The following HIPK3 variants were observed in gnomAD, a reference collection of about 807,000 sequenced individuals.
The protein encoded by HIPK3 is homeodomain interacting protein kinase 3.
A neutral mutation model predicts 124.2 loss-of-function variants in HIPK3; 47 were observed. The ratio of observed to expected loss-of-function variants is 0.38; its 90% CI spans 0.30 to 0.48. The LOEUF (loss-of-function observed/expected upper bound fraction) is 0.48, where lower values mean the gene tolerates loss of function less well. Among genes scored for constraint, HIPK3 ranks in the 20% least tolerant of loss-of-function variants. The pLI is 0.98. For synonymous variants in HIPK3, 482 were observed against 515.2 expected (o/e 0.94, Z 0.87); for missense variants, 1,286 against 1,454.3 (o/e 0.88, Z 1.88).
intron 2 of HIPK3, among the ~76,000 whole-genome samples, chr11:33,321,267 G>A (rs1469960923): frequency 1.3e-5 from 2 of 152,170 alleles, no homozygotes; most frequent in Non-Finnish European, 2.9e-5. Flanking sequence ...TGGAATGATA[G>A]GGTAATGAAA....
chr11:33,302,195 C>A (rs925641533), intron 2 of HIPK3, among the ~76,000 whole-genome samples: 1 of 152,080 alleles, frequency 6.6e-6, no homozygotes. Context: ...CTTCTAGGTT[C>A]CTTCCTTCCC....
chr11:33,258,314 A>G, intron 1 of HIPK3: 10 of 985,380 alleles, frequency 1.0e-5, no homozygotes, highest in African/African-American at 1.7e-5. Flanking sequence ...GGCCGTAACT[A>G]CGGAGATCCC....
At chr11:33,275,291 G>T (rs1348826440) in intron 1 of HIPK3, among the ~76,000 whole-genome samples, 1 of 152,150 alleles carries the variant, frequency 6.6e-6, no homozygotes, top group Non-Finnish European at 1.5e-5. Flanking sequence ...GCCCGCCTCA[G>T]CCTCCCAAAG....
intron 6 of HIPK3, 80 bp from the exon 7 acceptor site, chr11:33,340,888 T>G: frequency 1.2e-6 from 1 of 821,932 alleles, no homozygotes; most frequent in Non-Finnish European, 1.8e-6. Flanking sequence ...AGGAATAATT[T>G]TTTTATTTTG....
chr11:33,261,136 A>AAAAAT (rs58154515), intron 1 of HIPK3, among the ~76,000 whole-genome samples: 9 of 145,162 alleles, frequency 6.2e-5, no homozygotes, highest in Admixed American at 2.8e-4. Context: ...TTATATATAA[A>AAAAAT]ATATAAAATA....
intron 9 of HIPK3, 38 bp from the exon 10 acceptor site, chr11:33,347,591 A>G: frequency 6.2e-7 from 1 of 1,602,686 alleles, no homozygotes. Context: ...ATTACTTATA[A>G]CTTGTTATTT....
Position 33,349,236 on chromosome 11 carries a change from G to A in HIPK3, c.2756G>A (p.Ser919Asn). The A allele has an allele frequency of 6.2e-7, 1 of 1,613,886 alleles. No homozygotes were observed. Among genetic ancestry groups the A allele is most frequent in the Non-Finnish European group, 8.5e-7 (1 of 1,179,786 alleles). Residue 919 changes from serine (S) to asparagine (N), a missense_variant, in exon 14 of 17, where the codon AGT becomes AAT. By Grantham distance (46) the Ser-to-Asn change is conservative. Coordinates refer to ENST00000303296, the MANE Select transcript of HIPK3 (RefSeq NM_005734.5). Reference sequence around the variant, plus strand: ...TTAAGTAGTCCTGATAGTACTCTGAGTACCAGCTCCTCAGGGCAGTCCAGC... The same window carrying A: ...TTAAGTAGTCCTGATAGTACTCTGAATACCAGCTCCTCAGGGCAGTCCAGC... ...CSLSSPDSTL[S>N]TSSSGQSSPS... is the part of the protein sequence containing the mutation.
chr11:33,337,283 T>G, intron 4 of HIPK3, 89 bp downstream of exon 4: 1 of 613,002 alleles, frequency 1.6e-6, no homozygotes, highest in Non-Finnish European at 2.5e-6. Flanking sequence ...CTATTTACAT[T>G]TTACTATATT....
At chr11:33,342,986 C>G (rs1313367972) in intron 8 of HIPK3, among the ~76,000 whole-genome samples, 1 of 152,154 alleles carries the variant, frequency 6.6e-6, no homozygotes, top group African/African-American at 2.4e-5. Flanking sequence ...GCTTTAACAT[C>G]TAGTTAATGC....
At position 33,287,658 on chromosome 11, in the gene HIPK3, G is replaced by C. The variant is rs967369082; in HGVS notation, c.1097+147G>C. ...GATCAATTTAGGTTCGTTTTAAAGA[G>C]ATTAAAAAAAATCAAGACATAAAAT... On this transcript the variant is annotated intron_variant, in intron 2 of 16. Transcript: ENST00000303296. 4.3e-4 allele frequency: 371 copies of C among 867,148 alleles called. 1 individual carries two copies. Among genetic ancestry groups the C allele is most frequent in the Middle Eastern group, 6.1e-4 (2 of 3,270 alleles). The allele number at this position is 867,148 out of a possible 1,614,324, so 53.7% of individuals were successfully genotyped here. A position where few individuals can be genotyped will look rare whatever the true frequency, so the allele number is the denominator to read the frequency against.
chr11:33,339,056 T>TA (rs1853249208), intron 5 of HIPK3, among the ~76,000 whole-genome samples: 1 of 152,230 alleles, frequency 6.6e-6, no homozygotes, highest in Non-Finnish European at 1.5e-5. Context: ...CGTTCTTTAG[T>TA]AAAAAAGTTT....
intron 14 of HIPK3, among the ~76,000 whole-genome samples, chr11:33,350,928 AAAC>A (rs201945846): frequency 0.01 from 1,551 of 152,272 alleles, 7 homozygotes; most frequent in Non-Finnish European, 0.015. Flanking sequence ...AAATATATAT[AAAC>A]AAATATACGT....
chr11:33,280,821 G>A (rs946002568), intron 1 of HIPK3, among the ~76,000 whole-genome samples: 2 of 152,170 alleles, frequency 1.3e-5, no homozygotes, highest in Non-Finnish European at 2.9e-5. Context: ...AGAGTGGTGT[G>A]CATTGATCTG....
chr11:33,288,644 T>G (rs1851619667), intron 2 of HIPK3, among the ~76,000 whole-genome samples: 2 of 152,184 alleles, frequency 1.3e-5, no homozygotes, highest in African/African-American at 4.8e-5. Context: ...TGCTACAATG[T>G]AACACTAGCC....
At chr11:33,346,529 A>G (rs950358157) in intron 8 of HIPK3, among the ~76,000 whole-genome samples, 1 of 152,248 alleles carries the variant, frequency 6.6e-6, no homozygotes, top group South Asian at 2.1e-4. Context: ...TGACAGGAGC[A>G]TAAGATTCTA....
intron 2 of HIPK3, among the ~76,000 whole-genome samples, chr11:33,314,080 C>G (rs924319879): frequency 3.3e-5 from 5 of 152,128 alleles, no homozygotes; most frequent in Admixed American, 1.3e-4. Flanking sequence ...CCATGGACTC[C>G]CAAGATGCTG....
chr11:33,315,051 G>GT (rs1378373418), intron 2 of HIPK3, among the ~76,000 whole-genome samples: 9 of 152,310 alleles, frequency 5.9e-5, no homozygotes, highest in African/African-American at 2.2e-4. Flanking sequence ...TATATGAGCT[G>GT]TGATAATCAT....
chr11:33,310,366 C>T (rs185405184), intron 2 of HIPK3, among the ~76,000 whole-genome samples: 2 of 151,214 alleles, frequency 1.3e-5, no homozygotes, highest in African/African-American at 4.8e-5. Context: ...CGTACAGTGG[C>T]ACCATCTTGG....
At chr11:33,300,852 C>T (rs943846780) in intron 2 of HIPK3, among the ~76,000 whole-genome samples, 1 of 152,178 alleles carries the variant, frequency 6.6e-6, no homozygotes, top group Non-Finnish European at 1.5e-5. Context: ...CCTCTCACCT[C>T]AGCCTCCTGA....
Sources: gnomAD v4.1 joint callset for allele counts (sites outside exome capture counted in the v4.1 genomes callset) on GRCh38, gnomAD v4.1.1 for gene constraint, MANE v1.5 for transcripts, NCBI Gene and HGNC (gene_info 2026-07-23, HGNC 2026-07-21) for gene names.